The following HPS4 variants were observed in gnomAD, a reference collection of about 807,000 sequenced individuals.
The protein encoded by HPS4 is HPS4 biogenesis of lysosomal organelles complex 3 subunit 2, also known as BLOC-3 complex member HPS4.
A neutral mutation model predicts 70.3 loss-of-function variants in HPS4; 44 were observed. The ratio of observed to expected loss-of-function variants is 0.63; its 90% CI spans 0.49 to 0.80. The LOEUF is 0.80. Among genes scored for constraint, HPS4 ranks in the 30% least tolerant of loss-of-function variants. The pLI is 0.00. For synonymous variants in HPS4, 377 were observed against 355.9 expected, an observed-to-expected ratio of 1.06 and a Z score of -0.67; for missense variants, 873 against 884.4, an observed-to-expected ratio of 0.99 and a Z score of 0.16.
intron 3 of HPS4, chr22:26,444,716 G>T (rs1005905452): frequency 1.3e-5 from 2 of 152,252 alleles, no homozygotes; most frequent in Non-Finnish European, 2.9e-5. Flanking sequence ...AAACACAGTT[G>T]AAATGCACCA....
intron 11 of HPS4, among the ~76,000 whole-genome samples, chr22:26,459,569 G>C (rs1013065134): frequency 1.3e-5 from 2 of 152,124 alleles, no homozygotes; most frequent in Non-Finnish European, 2.9e-5. Flanking sequence ...TAATAGGCTT[G>C]GTCTGAAATG....
At chr22:26,466,649 A>T in intron 8 of HPS4, 1 of 311,654 alleles carries the variant, frequency 3.2e-6, no homozygotes, top group Non-Finnish European at 6.1e-6. Context: ...TGTAGAATTC[A>T]CATAAATTCC....
In HPS4 at chr22:26,458,322, T is replaced by G; in HGVS notation, c.1846+123A>C. 19 of 1,254,942 alleles carry G rather than the reference T, an allele frequency of 1.5e-5. 1 individual carries two copies. In the South Asian group the frequency reaches 2.3e-4, roughly 15 times the overall value. The allele number at this position is 1,254,942 out of a possible 1,614,324, so 77.7% of individuals were successfully genotyped here. ...TGGGCTCCCGGTGAGAAGAGAGCCC[T>G]GAACGCAGGTCAGACAACTCTGTGC... On this transcript the variant is annotated intron_variant, in intron 12 of 13. Coordinates refer to ENST00000398145, the MANE Select transcript of HPS4 (RefSeq NM_022081.6).
At chr22:26,483,794 A>T, upstream of HPS4, 1 of 985,902 alleles carries the variant, frequency 1.0e-6, no homozygotes, top group Non-Finnish European at 1.3e-6. Flanking sequence ...GCCTTAGGTC[A>T]CGCGCCGCCC....
rs530648024 is a variant in HPS4, at chr22:26,460,974, C to A, written c.1714-2397G>T. Among the ~76,000 whole-genome samples, 185 of 152,320 alleles carry A rather than the reference C, an allele frequency of 1.2e-3. 1 individual carries two copies. Among genetic ancestry groups the A allele is most frequent in the Admixed American group, 1.5e-3 (23 of 15,302 alleles). On this transcript the variant is annotated intron_variant, in intron 11 of 13. Transcript: ENST00000398145. Reference sequence around the variant, plus strand: ...AGCAGAGCTGAAAAGCTGTGCAAAGCTGAAAATATTTGCTTTCTGGTCCTT... The same window carrying A: ...AGCAGAGCTGAAAAGCTGTGCAAAGATGAAAATATTTGCTTTCTGGTCCTT...
chr22:26,443,229 G>C (rs776417011), downstream of HPS4: 1 of 1,600,438 alleles, frequency 6.2e-7, no homozygotes, highest in Non-Finnish European at 8.6e-7. Context: ...TGCTGGAGTC[G>C]GCGAGAAGGG....
intron 13 of HPS4, among the ~76,000 whole-genome samples, chr22:26,457,055 A>C (rs1177827507): frequency 6.6e-6 from 1 of 152,190 alleles, no homozygotes; most frequent in African/African-American, 2.4e-5. Flanking sequence ...TATATGTGCA[A>C]AAAATAAAAA....
At chr22:26,458,138 C>T (rs990005233) in intron 12 of HPS4, among the ~76,000 whole-genome samples, 171 bp from the exon 13 acceptor site, 1 of 152,266 alleles carries the variant, frequency 6.6e-6, no homozygotes, top group Admixed American at 6.5e-5. Context: ...CGCCGCTGTG[C>T]GATGCAGCAC....
At chr22:26,453,719 G>A (rs1316650533) in intron 13 of HPS4, 4 of 411,206 alleles carry the variant, frequency 9.7e-6, no homozygotes, top group African/African-American at 2.0e-5. Flanking sequence ...TGACATACTG[G>A]CAGCTATGCA....
chr22:26,464,923 A>G, intron 10 of HPS4, 97 bp from the exon 11 acceptor site: 2 of 1,191,430 alleles, frequency 1.7e-6, no homozygotes, highest in East Asian at 2.4e-5. Context: ...ATCAAGGACA[A>G]GGGGGTGCCT....
downstream of HPS4, among the ~76,000 whole-genome samples, chr22:26,450,349 G>A (rs1401418323): frequency 1.3e-5 from 2 of 152,208 alleles, no homozygotes; most frequent in Non-Finnish European, 2.9e-5. Flanking sequence ...CAGTAACTGG[G>A]CGGCATGGGA....
intron 13 of HPS4, among the ~76,000 whole-genome samples, chr22:26,457,204 G>A (rs1047185141): frequency 4.1e-5 from 5 of 122,172 alleles, no homozygotes; most frequent in Non-Finnish European, 8.2e-5. Context: ...TGATCAGCAC[G>A]TATTACTTTT....
rs552680410 is a variant in HPS4 at position 26,480,407 on chromosome 22, CAAA to C, written c.42-1055_42-1053del. On this transcript the variant is annotated intron_variant, in intron 2 of 13. Transcript: ENST00000398145. ...CAGGCTGGTCTCAAATTCCTGGACT[CAAA>C]TAATCCTGCCCTGGCCTCCCAAAGT... is the stretch of plus-strand genomic sequence containing the variant. 5.1e-3 allele frequency among the ~76,000 whole-genome samples: 769 copies of C among 152,240 alleles called. 7 individuals are homozygous for C. Among genetic ancestry groups the C allele is most frequent in the Non-Finnish European group, 7.3e-3 (495 of 68,010 alleles).
chr22:26,458,028 A>G, intron 12 of HPS4, 61 bp from the exon 13 acceptor site: 4 of 1,330,716 alleles, frequency 3.0e-6, no homozygotes, highest in Non-Finnish European at 4.2e-6. Context: ...CTCCCACCCC[A>G]TGAAGCCCAG....
intron 1 of HPS4, among the ~76,000 whole-genome samples, chr22:26,483,236 T>A (rs1036141435): frequency 4.6e-5 from 7 of 152,086 alleles, no homozygotes; most frequent in Admixed American, 2.0e-4. Context: ...AAACTCCCCA[T>A]CCCTTGTTCC....
chr22:26,473,054 C>A, intron 4 of HPS4, 115 bp from the exon 5 acceptor site: 1 of 842,524 alleles, frequency 1.2e-6, no homozygotes, highest in South Asian at 1.4e-5. Context: ...CGAAATTGAT[C>A]TTCTATTGTC....
At chr22:26,465,628 G>A (rs1011249580) in intron 9 of HPS4, 77 bp from the exon 10 acceptor site, 3 of 1,188,068 alleles carry the variant, frequency 2.5e-6, no homozygotes, top group Admixed American at 3.4e-5. Flanking sequence ...GCACTGGCGT[G>A]ATGCATCCAA....
At chr22:26,483,301 A>C (rs1369408491) in intron 1 of HPS4, among the ~76,000 whole-genome samples, 1 of 152,210 alleles carries the variant, frequency 6.6e-6, no homozygotes, top group Non-Finnish European at 1.5e-5. Flanking sequence ...AAAGGTCCAG[A>C]AGAGACCAAT....
At chr22:26,448,762 ATT>A (rs2146173408), downstream of HPS4, among the ~76,000 whole-genome samples, 1 of 152,310 alleles carries the variant, frequency 6.6e-6, no homozygotes, top group Non-Finnish European at 1.5e-5. Context: ...AAGGTGTCCT[ATT>A]TTCACCTTGA....
Sources: allele counts gnomAD v4.1 joint callset (sites outside exome capture counted in the v4.1 genomes callset), GRCh38; gene constraint gnomAD v4.1.1; transcripts MANE v1.5; gene names NCBI Gene and HGNC (gene_info 2026-07-23, HGNC 2026-07-21).